The following GMDS variants were observed in gnomAD, a reference collection of about 807,000 sequenced individuals.
The protein encoded by GMDS is GDP-mannose 4,6-dehydratase, also known as GDP-mannose 4,6 dehydratase.
A neutral mutation model predicts 49.9 loss-of-function variants in GMDS; 20 were observed. That is an observed-to-expected ratio of 0.40 (90% CI 0.28 to 0.58). GMDS has a LOEUF of 0.58. GMDS is among the 20% of genes least tolerant of loss of function. The probability of loss-of-function intolerance (pLI) is 0.42; values close to 1 mark genes in which losing one functional copy is unlikely to be tolerated. For synonymous variants in GMDS, 177 were observed against 178.6 expected, an observed-to-expected ratio of 0.99 and a Z score of 0.07; for missense variants, 362 against 481.4, an observed-to-expected ratio of 0.75 and a Z score of 2.32.
chr6:2,048,570 T>C lies in GMDS; in HGVS notation c.345+67201A>G, dbSNP rs190393224. ...TGTAATCAACTTATCAATTTACATA[T>C]TCACATATGCATCTGCTGAACTGCT... is the stretch of plus-strand genomic sequence containing the variant. On this transcript the variant is annotated intron_variant, in intron 4 of 10. Transcript: ENST00000380815. Among the ~76,000 whole-genome samples the C allele has an allele frequency of 2.5e-3, 376 of 152,358 alleles. 1 individual carries two copies. Among genetic ancestry groups the C allele is most frequent in the African/African-American group, 8.8e-3 (364 of 41,582 alleles).
chr6:1,914,808 C>T (rs1761288806), intron 7 of GMDS, among the ~76,000 whole-genome samples: 1 of 152,248 alleles, frequency 6.6e-6, no homozygotes, highest in Admixed American at 6.5e-5. Context: ...GCTCAACATC[C>T]AGCCACTGGG....
Position 1,999,844 on chromosome 6 carries a change from C to A in GMDS, c.346-38878G>T, listed in dbSNP as rs181342102. Among the ~76,000 whole-genome samples, 329 of 133,432 alleles carry A rather than the reference C, an allele frequency of 2.5e-3. 1 individual carries two copies. Among genetic ancestry groups the A allele is most frequent in the African/African-American group, 8.9e-3 (320 of 35,976 alleles). The allele number at this position is 133,432 out of a possible 152,430, so 87.5% of individuals were successfully genotyped here. On this transcript the variant is annotated intron_variant, in intron 4 of 10. Coordinates refer to ENST00000380815, the MANE Select transcript of GMDS (RefSeq NM_001500.4). ...TTCTTATCTGTTGCCATAGTTCACACAGCTGTTTGGTCTTACTTTTCAAAA... is the reference window on the plus strand; with the variant it reads ...TTCTTATCTGTTGCCATAGTTCACAAAGCTGTTTGGTCTTACTTTTCAAAA...
rs1779455715 is a variant in GMDS, at chr6:2,200,343, G to C, written c.102+44978C>G. Among the ~76,000 whole-genome samples the C allele has an allele frequency of 3.9e-5, 6 of 152,024 alleles. No individual in the cohort carries two copies. The South Asian group carries it at 1.2e-3, about 32-fold the overall frequency. ...GACAGAACACCACATGCACATCCGAGATGAAACAATCTAGGCAGTGAGGGC... is the reference window on the plus strand; with the variant it reads ...GACAGAACACCACATGCACATCCGACATGAAACAATCTAGGCAGTGAGGGC... On this transcript the variant is annotated intron_variant, in intron 1 of 10. Transcript: ENST00000380815.
chr6:1,979,837 C>T (rs1375829544), intron 4 of GMDS, among the ~76,000 whole-genome samples: 2 of 152,186 alleles, frequency 1.3e-5, no homozygotes, highest in Non-Finnish European at 2.9e-5. Context: ...GTCAGACTAA[C>T]AGCAGACCTC....
At chr6:2,085,663 G>T (rs1772968632) in intron 4 of GMDS, among the ~76,000 whole-genome samples, 1 of 151,960 alleles carries the variant, frequency 6.6e-6, no homozygotes, top group South Asian at 2.1e-4. Flanking sequence ...CAAGTAACTG[G>T]GACTACAGGC....
rs146519524 is a variant in GMDS, at chr6:1,680,770, A to G, written c.987+45646T>C. On this transcript the variant is annotated intron_variant, in intron 9 of 10. Coordinates refer to ENST00000380815, the MANE Select transcript of GMDS (RefSeq NM_001500.4). ...GCATGTGCCCATTGAACAAACCACA[A>G]AAAGATGACTGCAAAGGGGTCTTCT... is the stretch of plus-strand genomic sequence containing the variant. Among the ~76,000 whole-genome samples the G allele has an allele frequency of 1.1e-4, 17 of 152,326 alleles. 1 individual carries two copies. The East Asian group carries it at 2.3e-3, about 21-fold the overall frequency.
At chr6:1,828,814 T>C (rs1771236053) in intron 7 of GMDS, among the ~76,000 whole-genome samples, 2 of 152,192 alleles carry the variant, frequency 1.3e-5, no homozygotes, top group African/African-American at 2.4e-5. Context: ...ATTTTAAAAA[T>C]GTAGCATAGT....
intron 9 of GMDS, among the ~76,000 whole-genome samples, chr6:1,626,902 C>T (rs1444605932): frequency 1.3e-5 from 2 of 152,248 alleles, no homozygotes; most frequent in Non-Finnish European, 2.9e-5. Flanking sequence ...CTACCATACA[C>T]TGTAAAAGTA....
chr6:2,088,505 C>A (rs536858771), intron 4 of GMDS, among the ~76,000 whole-genome samples: 309 of 152,308 alleles, frequency 2.0e-3, no homozygotes, highest in African/African-American at 7.3e-3. Flanking sequence ...CACATTCTTC[C>A]AGTCTCGAAA....
At chr6:1,945,507 C>CT (rs1200101765) in intron 6 of GMDS, among the ~76,000 whole-genome samples, 7 of 152,196 alleles carry the variant, frequency 4.6e-5, no homozygotes, top group South Asian at 2.1e-4. Context: ...AAGTTTCACA[C>CT]TTTTTTTTCT....
chr6:1,770,307 C>T (rs1010818883), intron 7 of GMDS, among the ~76,000 whole-genome samples: 7 of 152,190 alleles, frequency 4.6e-5, no homozygotes, highest in African/African-American at 1.7e-4. Context: ...AGAGAGAAAG[C>T]CACAATTTCC....
chr6:1,648,011 C>T (rs527860108), intron 9 of GMDS, among the ~76,000 whole-genome samples: 8 of 152,274 alleles, frequency 5.3e-5, no homozygotes, highest in South Asian at 2.1e-4. Context: ...GGCTTCTCGA[C>T]GGTAAAGGAA....
intron 7 of GMDS, among the ~76,000 whole-genome samples, chr6:1,850,861 G>A (rs1172287293): frequency 1.3e-5 from 2 of 152,050 alleles, no homozygotes; most frequent in Non-Finnish European, 2.9e-5. Context: ...CTGTTCGCAG[G>A]GCAGCTCACT....
At chr6:2,133,156 C>T (rs767137949) in intron 1 of GMDS, among the ~76,000 whole-genome samples, 30 of 152,064 alleles carry the variant, frequency 2.0e-4, no homozygotes, top group Non-Finnish European at 4.1e-4. Flanking sequence ...AACAGAGCTG[C>T]ACTTTGTCCA....
intron 1 of GMDS, among the ~76,000 whole-genome samples, chr6:2,210,657 GA>G (rs1780023593): frequency 6.6e-6 from 1 of 152,332 alleles, no homozygotes; most frequent in Admixed American, 6.5e-5. Flanking sequence ...GGTGGGGTAA[GA>G]GACAGACAGA....
At chr6:1,974,600 G>A (rs555822130) in intron 4 of GMDS, among the ~76,000 whole-genome samples, 1 of 152,230 alleles carries the variant, frequency 6.6e-6, no homozygotes, top group East Asian at 1.9e-4. Flanking sequence ...AAATATCAAG[G>A]AGCCTCTTGA....
chr6:1,774,515 T>TA (rs1199781275), intron 7 of GMDS, among the ~76,000 whole-genome samples: 1 of 152,230 alleles, frequency 6.6e-6, no homozygotes, highest in African/African-American at 2.4e-5. Context: ...ACTGTGTTAT[T>TA]AAAGTGGATT....
chr6:1,981,231 CAA>C (rs58438955), intron 4 of GMDS, among the ~76,000 whole-genome samples: 8 of 133,392 alleles, frequency 6.0e-5, no homozygotes, highest in African/African-American at 2.2e-4. Context: ...AAAAAACCTG[CAA>C]AAAAAAAAAA....
chr6:1,984,934 C>T (rs1390348546), intron 4 of GMDS, among the ~76,000 whole-genome samples: 1 of 152,156 alleles, frequency 6.6e-6, no homozygotes, highest in African/African-American at 2.4e-5. Flanking sequence ...GCTGAAGCTG[C>T]AAGTCTGTTG....
Sources: gnomAD v4.1 joint callset for allele counts (sites outside exome capture counted in the v4.1 genomes callset) on GRCh38, gnomAD v4.1.1 for gene constraint, MANE v1.5 for transcripts, NCBI Gene and HGNC (gene_info 2026-07-23, HGNC 2026-07-21) for gene names.